The following LRRC28 variants were observed in gnomAD, a reference collection of about 807,000 sequenced individuals.
LRRC28 encodes leucine rich repeat containing 28.
Under a neutral mutation model 45.7 loss-of-function variants are expected in LRRC28, and 39 were observed. The ratio of observed to expected loss-of-function variants is 0.85; its 90% CI spans 0.66 to 1.12. The LOEUF (loss-of-function observed/expected upper bound fraction) is 1.12, where lower values mean the gene tolerates loss of function less well. Among genes scored for constraint, LRRC28 ranks in the 50% most tolerant of loss-of-function variants. The pLI is 0.00. For synonymous variants in LRRC28, 206 were observed against 178.8 expected, an observed-to-expected ratio of 1.15 and a Z score of -1.22; for missense variants, 435 against 438.5, an observed-to-expected ratio of 0.99 and a Z score of 0.07.
At chr15:99,380,034 C>T (rs113287564) in intron 9 of LRRC28, among the ~76,000 whole-genome samples, 3 of 152,148 alleles carry the variant, frequency 2.0e-5, no homozygotes, top group African/African-American at 7.2e-5. Context: ...GTGGAGAGTT[C>T]TGTAGATGTC....
intron 2 of LRRC28, chr15:99,258,015 T>G: frequency 9.8e-7 from 1 of 1,024,260 alleles, no homozygotes; most frequent in Non-Finnish European, 1.6e-6. Flanking sequence ...AATGAGGAAC[T>G]AACAGTCAAA....
At chr15:99,291,721 T>C (rs1394818021) in intron 5 of LRRC28, among the ~76,000 whole-genome samples, 1 of 152,246 alleles carries the variant, frequency 6.6e-6, no homozygotes, top group Non-Finnish European at 1.5e-5. Context: ...AGTTTTGTAA[T>C]TTTATATCCA....
chr15:99,277,476 A>G (rs62023780), intron 3 of LRRC28, among the ~76,000 whole-genome samples: 8,006 of 152,080 alleles, frequency 0.053, 286 homozygotes, highest in East Asian at 0.11. Flanking sequence ...CCCAAGCTGA[A>G]TGATTTGAAG....
intron 6 of LRRC28, among the ~76,000 whole-genome samples, chr15:99,347,411 A>G (rs557858554): frequency 6.6e-4 from 101 of 152,240 alleles, no homozygotes; most frequent in Middle Eastern, 3.4e-3. Flanking sequence ...GTTCCACCGT[A>G]TTAGCCAGGA....
chr15:99,316,039 T>C (rs950220566), intron 5 of LRRC28, among the ~76,000 whole-genome samples: 4 of 152,210 alleles, frequency 2.6e-5, no homozygotes, highest in Admixed American at 6.5e-5. Context: ...TTAACAACTT[T>C]TGTGTGCTAT....
intron 2 of LRRC28, among the ~76,000 whole-genome samples, chr15:99,272,819 A>T (rs1287824850): frequency 6.6e-6 from 1 of 152,210 alleles, no homozygotes; most frequent in Non-Finnish European, 1.5e-5. Context: ...TTTCTGTTTC[A>T]AATTGTGAAA....
chr15:99,298,327 A>G (rs567135554), intron 5 of LRRC28, among the ~76,000 whole-genome samples: 1 of 152,306 alleles, frequency 6.6e-6, no homozygotes, highest in African/African-American at 2.4e-5. Flanking sequence ...CTTAAGGAGA[A>G]GGCAGATGTG....
chr15:99,278,584 G>A (rs965938058), intron 3 of LRRC28, among the ~76,000 whole-genome samples: 1 of 152,170 alleles, frequency 6.6e-6, no homozygotes, highest in Admixed American at 6.5e-5. Flanking sequence ...ATGCCTCTAG[G>A]GTTTCCCCAT....
intron 5 of LRRC28, among the ~76,000 whole-genome samples, chr15:99,289,496 A>T (rs553747502): frequency 1.7e-4 from 26 of 152,260 alleles, no homozygotes; most frequent in Non-Finnish European, 3.2e-4. Context: ...GTTAAAAATT[A>T]TGCATGTTAA....
intron 6 of LRRC28, among the ~76,000 whole-genome samples, 183 bp from the exon 7 acceptor site, chr15:99,352,186 G>A (rs376284408): frequency 2.6e-5 from 4 of 152,132 alleles, no homozygotes; most frequent in African/African-American, 9.7e-5. Context: ...CAAAGAATCT[G>A]TATCAAGGGG....
At chr15:99,270,072 A>T (rs1020905397) in intron 2 of LRRC28, among the ~76,000 whole-genome samples, 2 of 152,216 alleles carry the variant, frequency 1.3e-5, no homozygotes, top group Non-Finnish European at 1.5e-5. Context: ...CAAGTTGAAA[A>T]GAGGTCTACC....
chr15:99,270,351 C>T (rs1187445647), intron 2 of LRRC28, among the ~76,000 whole-genome samples: 1 of 152,156 alleles, frequency 6.6e-6, no homozygotes, highest in African/African-American at 2.4e-5. Context: ...GATGCAGCCA[C>T]CTCTGTCTAG....
intron 2 of LRRC28, chr15:99,256,414 TC>T (rs2081023614): frequency 4.9e-6 from 1 of 205,444 alleles, no homozygotes. Flanking sequence ...AGCATGTGCT[TC>T]TGTCCTGACT....
intron 2 of LRRC28, among the ~76,000 whole-genome samples, chr15:99,257,304 G>C (rs1202957549): frequency 6.6e-6 from 1 of 151,956 alleles, no homozygotes; most frequent in Non-Finnish European, 1.5e-5. Context: ...TTTTTGCAAA[G>C]TCATCATCCC....
chr15:99,327,675 T>C (rs1356625172), intron 5 of LRRC28, among the ~76,000 whole-genome samples: 1 of 152,164 alleles, frequency 6.6e-6, no homozygotes, highest in Non-Finnish European at 1.5e-5. Context: ...AACTAACTTT[T>C]GTTTTCATTG....
At chr15:99,293,281 T>G (rs996121412) in intron 5 of LRRC28, among the ~76,000 whole-genome samples, 7 of 152,130 alleles carry the variant, frequency 4.6e-5, no homozygotes, top group African/African-American at 1.7e-4. Flanking sequence ...ATAATATTAT[T>G]TTTGCAAGTC....
Position 99,255,963 on chromosome 15 carries a change from G to C in LRRC28, c.6G>C (p.Ala2=). The C allele has an allele frequency of 1.2e-6, 2 of 1,612,052 alleles. No homozygotes were observed. Among genetic ancestry groups the C allele is most frequent in the Non-Finnish European group, 1.7e-6 (2 of 1,179,824 alleles). ...CTGATGGGATATATTCAGTCATGGC[G>C]TCCGAACTTTGTAAGACGATCTCTG... M[A]SELCKTISVA... Residue 2 remains alanine, a synonymous_variant, in exon 2 of 10, where the codon GCG becomes GCC. Coordinates refer to ENST00000301981, the MANE Select transcript of LRRC28 (RefSeq NM_144598.5).
rs546256902 is a variant in LRRC28 at position 99,259,117 on chromosome 15, G to C, written c.168+2992G>C. 32 of 1,324,730 alleles carry C rather than the reference G, an allele frequency of 2.4e-5. No homozygotes were observed. In the Admixed American group the frequency reaches 4.9e-4, roughly 20 times the overall value. The allele number at this position is 1,324,730 out of a possible 1,614,324, so 82.1% of individuals were successfully genotyped here. ...AGCTTGGTGTAATTGAAGACCACTC[G>C]AATCGAACATGTCTTGCTAAACTTC... is the stretch of plus-strand genomic sequence containing the variant. On this transcript the variant is annotated intron_variant, in intron 2 of 9. Transcript: ENST00000301981.
chr15:99,269,414 CTTT>C (rs369037768), intron 2 of LRRC28, among the ~76,000 whole-genome samples: 1 of 146,214 alleles, frequency 6.8e-6, no homozygotes. Flanking sequence ...GTGCTGTTAA[CTTT>C]TTTTTTTTTT....
Sources: allele counts gnomAD v4.1 joint callset (sites outside exome capture counted in the v4.1 genomes callset), GRCh38; gene constraint gnomAD v4.1.1; transcripts MANE v1.5; gene names NCBI Gene and HGNC (gene_info 2026-07-23, HGNC 2026-07-21).